SBNO1: variants seen among roughly 807,000 people sequenced by gnomAD.
SBNO1 encodes strawberry notch homolog 1, also known as protein strawberry notch homolog 1.
A neutral mutation model predicts 173.6 loss-of-function variants in SBNO1; 23 were observed. The ratio of observed to expected loss-of-function variants is 0.13; its 90% CI spans 0.10 to 0.19. SBNO1 has a LOEUF of 0.19. Among genes scored for constraint, SBNO1 ranks in the 10% least tolerant of loss-of-function variants. The probability of loss-of-function intolerance (pLI) is 1.00; values close to 1 mark genes in which losing one functional copy is unlikely to be tolerated. For synonymous variants in SBNO1, 632 were observed against 571.5 expected, an observed-to-expected ratio of 1.11 and a Z score of -1.51; for missense variants, 1,238 against 1,671.2, an observed-to-expected ratio of 0.74 and a Z score of 4.52.
rs1202512743 is a variant in SBNO1 at position 123,304,706 on chromosome 12, T to C, written c.3644A>G (p.Lys1215Arg). 4 of 1,526,232 alleles carry C rather than the reference T, an allele frequency of 2.6e-6. No individual in the cohort carries two copies. The highest frequency in any genetic ancestry group is 9.0e-7 in the Non-Finnish European group (1 of 1,107,594). 94.5% of individuals were successfully genotyped at this position (1,526,232 alleles called of 1,614,324 possible). A position where few individuals can be genotyped will look rare whatever the true frequency, so the allele number is the denominator to read the frequency against. The change falls in exon 29 of 32, where the codon AAG becomes AGG. Residue 1215 changes from lysine (K) to arginine (R), a missense_variant. Transcript: ENST00000602398. ...FYLSLQIRNNKKTAILVKEVN... is the reference protein window; with the variant it reads ...FYLSLQIRNNRKTAILVKEVN... ...TTCTTTAACTAAGATGGCAGTTTTC[T>C]TGTTGTTCCTTATCTGTTTAAAGAA...
At chr12:123,364,584 C>G in intron 1 of SBNO1, 117 bp downstream of exon 1, 1 of 983,498 alleles carries the variant, frequency 1.0e-6, no homozygotes, top group Non-Finnish European at 1.2e-6. Flanking sequence ...AGGCCCCAAG[C>G]CGGGGCGAGG....
At chr12:123,363,500 C>T (rs1314624155) in intron 1 of SBNO1, among the ~76,000 whole-genome samples, 2 of 152,256 alleles carry the variant, frequency 1.3e-5, no homozygotes, top group Admixed American at 1.3e-4. Context: ...ATCCCTAATT[C>T]TGGCTGTCTA....
intron 25 of SBNO1, among the ~76,000 whole-genome samples, chr12:123,310,831 C>G (rs1457191853): frequency 6.6e-6 from 1 of 152,176 alleles, no homozygotes. Flanking sequence ...CCGTGCCCAG[C>G]AGACTTCAGT....
intron 1 of SBNO1, among the ~76,000 whole-genome samples, chr12:123,362,963 T>C (rs899987090): frequency 6.6e-6 from 1 of 151,674 alleles, no homozygotes; most frequent in Admixed American, 6.6e-5. Flanking sequence ...GGTGCACATC[T>C]GTAGTCCCAG....
chr12:123,324,637 G>A (rs142041523), intron 15 of SBNO1, among the ~76,000 whole-genome samples: 1 of 151,958 alleles, frequency 6.6e-6, no homozygotes, highest in Non-Finnish European at 1.5e-5. Context: ...AGGAGCATCT[G>A]AATGCATCCC....
intron 15 of SBNO1, 72 bp from the exon 16 acceptor site, chr12:123,323,903 T>C (rs541265365): frequency 2.6e-6 from 3 of 1,132,546 alleles, no homozygotes; most frequent in East Asian, 3.0e-5. Context: ...TTATTAAATA[T>C]ATTGAAATAT....
rs138082732 is a variant in SBNO1 at position 123,317,582 on chromosome 12, A to G, written c.2800-226T>C. The stretch of plus-strand genomic sequence containing the variant: ...CAGGAAATGTCCTTAAAAGTAGGCG[A>G]CATGCCCTTCTCATCCCCTTGTCTC... On this transcript the variant is annotated intron_variant, in intron 20 of 31. Coordinates refer to ENST00000602398, the MANE Select transcript of SBNO1 (RefSeq NM_001167856.3). Among the ~76,000 whole-genome samples, 750 of 152,296 alleles carry G rather than the reference A, an allele frequency of 4.9e-3. 12 individuals carry two copies. Among genetic ancestry groups the G allele is most frequent in the Non-Finnish European group, 6.0e-3 (409 of 68,030 alleles).
chr12:123,304,845 CA>C, intron 28 of SBNO1, 126 bp from the exon 29 acceptor site: 1 of 650,010 alleles, frequency 1.5e-6, no homozygotes, highest in Non-Finnish European at 2.6e-6. Flanking sequence ...ACGGTAACTT[CA>C]AAAAGGACCG....
intron 30 of SBNO1, among the ~76,000 whole-genome samples, chr12:123,300,432 C>T (rs1420207965): frequency 1.3e-5 from 2 of 152,072 alleles, no homozygotes; most frequent in Admixed American, 6.5e-5. Context: ...CAGAGGCAGG[C>T]GGATCACGAG....
intron 15 of SBNO1, among the ~76,000 whole-genome samples, chr12:123,325,181 A>T (rs879377806): frequency 1.3e-5 from 2 of 152,204 alleles, no homozygotes; most frequent in Non-Finnish European, 2.9e-5. Flanking sequence ...CGGTAATTTC[A>T]AATACAGTAC....
intron 27 of SBNO1, 36 bp downstream of exon 27, chr12:123,309,453 G>A (rs2049002802): frequency 3.1e-6 from 5 of 1,597,974 alleles, no homozygotes; most frequent in South Asian, 1.1e-5. Flanking sequence ...TGCATCTCAT[G>A]GGAAGACGAT....
intron 4 of SBNO1, among the ~76,000 whole-genome samples, chr12:123,341,897 A>G (rs1872608226): frequency 1.3e-5 from 2 of 152,176 alleles, no homozygotes; most frequent in Admixed American, 1.3e-4. Context: ...GGAAGTAAAG[A>G]ATTAACTTTA....
intron 25 of SBNO1, among the ~76,000 whole-genome samples, chr12:123,310,582 T>G (rs2049028028): frequency 6.6e-6 from 1 of 151,094 alleles, no homozygotes; most frequent in Non-Finnish European, 1.5e-5. Flanking sequence ...TCGCCGAAGT[T>G]GGAGTGCAGT....
chr12:123,309,281 C>G, intron 28 of SBNO1, 29 bp downstream of exon 28: 1 of 1,521,062 alleles, frequency 6.6e-7, no homozygotes, highest in Non-Finnish European at 9.1e-7. Flanking sequence ...TATTATATAT[C>G]TGAATAGAAT....
In SBNO1 at chr12:123,350,542, T is replaced by C. The variant is rs1873751826; in HGVS notation, c.1-101A>G. 2.0e-5 allele frequency: 19 copies of C among 930,544 alleles called. No homozygotes were observed. In the South Asian group the frequency reaches 2.4e-4, roughly 12 times the overall value. The allele number at this position is 930,544 out of a possible 1,614,324, so 57.6% of individuals were successfully genotyped here. A position where few individuals can be genotyped will look rare whatever the true frequency, so the allele number is the denominator to read the frequency against. ...ATCCAACAATCTCTATTAGACCCAT[T>C]CATTCAGTATTAATGAAGAACCTGC... On this transcript the variant is annotated intron_variant, in intron 1 of 31. Transcript: ENST00000602398.
intron 13 of SBNO1, 75 bp downstream of exon 13, chr12:123,327,351 T>C (rs1870730944): frequency 8.0e-7 from 1 of 1,255,856 alleles, no homozygotes; most frequent in Non-Finnish European, 1.1e-6. Context: ...GCAGGAGGCA[T>C]CGCAATCGCC....
At chr12:123,316,695 TTC>T (rs1399707955) in intron 21 of SBNO1, among the ~76,000 whole-genome samples, 1 of 104,086 alleles carries the variant, frequency 9.6e-6, no homozygotes, top group Non-Finnish European at 2.3e-5. Flanking sequence ...AGTTTTTCTT[TTC>T]TTCTTCTTTT....
intron 5 of SBNO1, among the ~76,000 whole-genome samples, chr12:123,338,232 C>G (rs910792935): frequency 6.6e-6 from 1 of 152,212 alleles, no homozygotes; most frequent in African/African-American, 2.4e-5. Context: ...ATTCAAAATT[C>G]TTCAAAATAC....
At position 123,295,005 on chromosome 12, in the gene SBNO1, T is replaced by G. The variant is rs1188326289; in HGVS notation, c.*903A>C. ...GATAATGAAGTAAAAAACGATTGTT[T>G]GCAAGATGAAAGCCAATTTGTACTT... On this transcript the variant is annotated 3_prime_UTR_variant, in exon 32 of 32. Coordinates refer to ENST00000602398, the MANE Select transcript of SBNO1 (RefSeq NM_001167856.3). 6.6e-6 allele frequency: 1 copy of G among 152,256 alleles called. No homozygotes were observed. Among genetic ancestry groups the G allele is most frequent in the Non-Finnish European group, 1.5e-5 (1 of 68,048 alleles). 9.4% of individuals were successfully genotyped at this position (152,256 alleles called of 1,614,324 possible).
Sources: gnomAD v4.1 joint callset for allele counts (sites outside exome capture counted in the v4.1 genomes callset) on GRCh38, gnomAD v4.1.1 for gene constraint, MANE v1.5 for transcripts, NCBI Gene and HGNC (gene_info 2026-07-23, HGNC 2026-07-21) for gene names.